The following DSCAM variants were observed in gnomAD, a reference collection of about 807,000 sequenced individuals.
DSCAM encodes the protein DS cell adhesion molecule, also known as cell adhesion molecule DSCAM.
In DSCAM, 47 loss-of-function variants were observed where a neutral mutation model predicts 217.7. The observed-to-expected ratio is 0.22, with a 90% confidence interval of 0.17 to 0.28. The LOEUF is 0.28. Ranked by LOEUF, DSCAM falls within the 10% of genes least tolerant of loss-of-function variation. The probability of loss-of-function intolerance (pLI) is 1.00; values close to 1 mark genes in which losing one functional copy is unlikely to be tolerated. For missense variants in DSCAM, 2,080 were observed against 2,618.3 expected (o/e 0.79, Z 4.49); for synonymous variants, 1,056 against 1,015.3 (o/e 1.04, Z -0.76).
intron 2 of DSCAM, among the ~76,000 whole-genome samples, chr21:40,699,577 T>C (rs111393802): frequency 6.6e-5 from 10 of 152,208 alleles, no homozygotes; most frequent in African/African-American, 2.4e-4. Context: ...GAACAAATGA[T>C]AAGAAAGTGA....
At chr21:40,307,438 T>C (rs919539268) in intron 9 of DSCAM, among the ~76,000 whole-genome samples, 23 of 152,214 alleles carry the variant, frequency 1.5e-4, no homozygotes, top group African/African-American at 5.1e-4. Context: ...AAACAACAGG[T>C]GCTGGAGAGG....
intron 1 of DSCAM, among the ~76,000 whole-genome samples, chr21:40,756,663 A>C (rs1192300987): frequency 6.6e-6 from 1 of 152,162 alleles, no homozygotes; most frequent in Non-Finnish European, 1.5e-5. Flanking sequence ...AAGTGCTGGG[A>C]TTACAGGCAT....
intron 32 of DSCAM, among the ~76,000 whole-genome samples, chr21:40,033,676 G>T (rs1447698230): frequency 6.6e-6 from 1 of 151,828 alleles, no homozygotes; most frequent in Non-Finnish European, 1.5e-5. Context: ...GCCCACCACA[G>T]CTCAAGGAGG....
chr21:40,101,677 T>C (rs1025058194), intron 20 of DSCAM, among the ~76,000 whole-genome samples: 1 of 152,030 alleles, frequency 6.6e-6, no homozygotes, highest in Non-Finnish European at 1.5e-5. Context: ...GGGTATTTGG[T>C]CTGAGGACAC....
intron 8 of DSCAM, among the ~76,000 whole-genome samples, chr21:40,319,063 CAA>C (rs1055296607): frequency 1.2e-4 from 18 of 152,050 alleles, no homozygotes; most frequent in African/African-American, 3.6e-4. Flanking sequence ...CCAAATCATA[CAA>C]AACTTTAAAA....
chr21:40,685,159 A>C (rs1176585707), intron 3 of DSCAM, among the ~76,000 whole-genome samples: 1 of 152,238 alleles, frequency 6.6e-6, no homozygotes, highest in African/African-American at 2.4e-5. Flanking sequence ...CATGATGAGC[A>C]TATGCAAAGT....
chr21:40,610,742 G>A (rs1049902708), intron 3 of DSCAM, among the ~76,000 whole-genome samples: 2 of 152,182 alleles, frequency 1.3e-5, no homozygotes, highest in African/African-American at 2.4e-5. Flanking sequence ...TGTTTCATGG[G>A]AGGTGAATAT....
intron 3 of DSCAM, among the ~76,000 whole-genome samples, chr21:40,674,833 G>A (rs887568214): frequency 3.9e-5 from 6 of 151,906 alleles, no homozygotes; most frequent in Admixed American, 6.6e-5. Context: ...GGGTTTCACC[G>A]TGTTAGCCAG....
At chr21:40,608,771 T>G (rs2089275698) in intron 3 of DSCAM, among the ~76,000 whole-genome samples, 1 of 152,236 alleles carries the variant, frequency 6.6e-6, no homozygotes, top group Non-Finnish European at 1.5e-5. Context: ...ATTTAGAAAG[T>G]TAACTTTGCA....
chr21:40,354,999 AG>A (rs1272567979), intron 4 of DSCAM, among the ~76,000 whole-genome samples: 1 of 152,298 alleles, frequency 6.6e-6, no homozygotes, highest in South Asian at 2.1e-4. Context: ...TTGATCCCTC[AG>A]TGTAGACCAG....
intron 11 of DSCAM, among the ~76,000 whole-genome samples, chr21:40,236,400 G>A (rs1207355134): frequency 5.3e-5 from 8 of 152,164 alleles, no homozygotes; most frequent in African/African-American, 1.2e-4. Flanking sequence ...TCTCTATCTG[G>A]TGGGTCTCCG....
At chr21:40,189,346 A>C in intron 11 of DSCAM, 108 bp from the exon 12 acceptor site, 2 of 922,390 alleles carry the variant, frequency 2.2e-6, no homozygotes, top group South Asian at 5.2e-5. Flanking sequence ...TTCAAAATGA[A>C]ATTTATTCAA....
intron 3 of DSCAM, among the ~76,000 whole-genome samples, chr21:40,405,190 G>A (rs972563110): frequency 6.6e-6 from 1 of 152,166 alleles, no homozygotes; most frequent in Admixed American, 6.5e-5. Flanking sequence ...CTTATGTTCT[G>A]AAAGCACTGA....
Position 40,688,609 on chromosome 21 carries a change from A to G in DSCAM, c.508+4201T>C, listed in dbSNP as rs2090508237. The stretch of plus-strand genomic sequence containing the variant: ...GCTCATTTTAGGGAGGTAAGAACAC[A>G]ATAGGTCAGGATCTGTCATATTAAC... On this transcript the variant is annotated intron_variant, in intron 3 of 32. Transcript: ENST00000400454. Among the ~76,000 whole-genome samples the G allele has an allele frequency of 2.0e-5, 3 of 152,208 alleles. No individual in the cohort carries two copies. In the South Asian group the frequency reaches 6.2e-4, roughly 32 times the overall value.
intron 3 of DSCAM, among the ~76,000 whole-genome samples, chr21:40,640,446 G>C (rs2089863943): frequency 6.6e-6 from 1 of 152,230 alleles, no homozygotes; most frequent in Non-Finnish European, 1.5e-5. Context: ...GTAAACGAGG[G>C]GAAGAGACGG....
At chr21:40,471,526 T>A (rs2075888353) in intron 3 of DSCAM, among the ~76,000 whole-genome samples, 1 of 152,224 alleles carries the variant, frequency 6.6e-6, no homozygotes, top group Non-Finnish European at 1.5e-5. Context: ...CAAGATTTAA[T>A]AATGTAATCC....
At chr21:40,124,139 C>T (rs890342586) in intron 20 of DSCAM, 56 bp downstream of exon 20, 1 of 1,610,242 alleles carries the variant, frequency 6.2e-7, no homozygotes, top group South Asian at 1.1e-5. Context: ...AGTGCGAGCA[C>T]CTGCAGCTCG....
chr21:40,771,178 G>T (rs368197678), intron 1 of DSCAM, among the ~76,000 whole-genome samples: 3 of 152,140 alleles, frequency 2.0e-5, no homozygotes, highest in African/African-American at 7.2e-5. Context: ...CCCACATGAG[G>T]GACAGAAAGC....
intron 27 of DSCAM, among the ~76,000 whole-genome samples, chr21:40,072,007 G>A (rs2089298135): frequency 6.6e-6 from 1 of 152,126 alleles, no homozygotes; most frequent in Non-Finnish European, 1.5e-5. Flanking sequence ...CTCACCTCTG[G>A]CGCTGTCCTT....
Sources: allele counts gnomAD v4.1 joint callset (sites outside exome capture counted in the v4.1 genomes callset), GRCh38; gene constraint gnomAD v4.1.1; transcripts MANE v1.5; gene names NCBI Gene and HGNC (gene_info 2026-07-23, HGNC 2026-07-21).